RBMS3: variants seen among roughly 807,000 people sequenced by gnomAD.
RBMS3 encodes the protein RNA binding motif single stranded interacting protein 3, also known as RNA-binding motif, single-stranded-interacting protein 3.
Under a neutral mutation model 66.8 loss-of-function variants are expected in RBMS3, and 27 were observed. The ratio of observed to expected loss-of-function variants is 0.40; its 90% CI spans 0.30 to 0.56. The LOEUF is 0.56. RBMS3 is among the 20% of genes least tolerant of loss of function. RBMS3 has a pLI of 0.40. For synonymous variants in RBMS3, 188 were observed against 183.0 expected (o/e 1.03, Z -0.22); for missense variants, 513 against 549.5 (o/e 0.93, Z 0.66).
intron 6 of RBMS3, among the ~76,000 whole-genome samples, chr3:29,848,615 T>C (rs927160247): frequency 6.6e-6 from 1 of 152,226 alleles, no homozygotes; most frequent in Non-Finnish European, 1.5e-5. Context: ...TCAGACAATA[T>C]GGACAAACCA....
At chr3:29,485,212 G>T (rs9818398) in intron 2 of RBMS3, among the ~76,000 whole-genome samples, 1,620 of 152,258 alleles carry the variant, frequency 0.011, 26 homozygotes, top group African/African-American at 0.034. Context: ...TGCCAGAAAA[G>T]AACTGGCTAT....
chr3:29,989,015 T>G (rs530031995), intron 13 of RBMS3, among the ~76,000 whole-genome samples: 1 of 152,212 alleles, frequency 6.6e-6, no homozygotes, highest in African/African-American at 2.4e-5. Context: ...GTCTGGAGTA[T>G]AGACTGAACA....
At chr3:29,997,755 G>A (rs181339276) in intron 14 of RBMS3, among the ~76,000 whole-genome samples, 18 of 152,116 alleles carry the variant, frequency 1.2e-4, no homozygotes, top group East Asian at 3.9e-4. Context: ...ATTAGGTATC[G>A]ATGGGACGTA....
chr3:29,769,600 G>A (rs1441866507), intron 6 of RBMS3, among the ~76,000 whole-genome samples: 1 of 138,584 alleles, frequency 7.2e-6, no homozygotes, highest in Non-Finnish European at 1.6e-5. Context: ...TAAGTGAATA[G>A]TGACAAAGAG....
At chr3:29,961,144 A>C (rs148061899) in intron 12 of RBMS3, among the ~76,000 whole-genome samples, 111 of 152,208 alleles carry the variant, frequency 7.3e-4, no homozygotes, top group African/African-American at 2.6e-3. Context: ...TCCACCAGAT[A>C]CCGTAAATCA....
At chr3:29,508,235 G>T (rs2044261449) in intron 3 of RBMS3, among the ~76,000 whole-genome samples, 1 of 152,060 alleles carries the variant, frequency 6.6e-6, no homozygotes, top group Non-Finnish European at 1.5e-5. Flanking sequence ...AAGTTCTGGG[G>T]TACATGTGCA....
intron 1 of RBMS3, among the ~76,000 whole-genome samples, chr3:29,393,938 C>T (rs73040681): frequency 0.13 from 20,452 of 151,968 alleles, 1,710 homozygotes; most frequent in East Asian, 0.35. Flanking sequence ...AAGGCTAGAG[C>T]GAAATTAGAA....
chr3:29,369,388 G>C (rs904547452), intron 1 of RBMS3, among the ~76,000 whole-genome samples: 4 of 151,390 alleles, frequency 2.6e-5, no homozygotes, highest in Non-Finnish European at 5.9e-5. Context: ...TACTTTCAAT[G>C]GCAAAAACCG....
At chr3:29,656,624 A>G (rs972580000) in intron 4 of RBMS3, among the ~76,000 whole-genome samples, 1 of 152,198 alleles carries the variant, frequency 6.6e-6, no homozygotes. Context: ...ATGTGAGTTC[A>G]TGAGTTTATA....
At chr3:29,980,432 TTTAA>T (rs1179213043) in intron 12 of RBMS3, among the ~76,000 whole-genome samples, 1 of 152,204 alleles carries the variant, frequency 6.6e-6, no homozygotes, top group Non-Finnish European at 1.5e-5. Context: ...AACTCTTTAG[TTTAA>T]TTAGATTCCA....
At chr3:29,836,781 C>A (rs2058519629) in intron 6 of RBMS3, among the ~76,000 whole-genome samples, 1 of 145,970 alleles carries the variant, frequency 6.9e-6, no homozygotes, top group South Asian at 2.2e-4. Context: ...AACCATTTCA[C>A]TATATATATA....
chr3:29,371,897 C>T (rs1189486455), intron 1 of RBMS3, among the ~76,000 whole-genome samples: 2 of 152,118 alleles, frequency 1.3e-5, no homozygotes, highest in Non-Finnish European at 2.9e-5. Flanking sequence ...ATATCCTCGT[C>T]ACCTTTAAAA....
intron 6 of RBMS3, among the ~76,000 whole-genome samples, chr3:29,810,796 A>C (rs1158215578): frequency 6.6e-6 from 1 of 152,210 alleles, no homozygotes; most frequent in Non-Finnish European, 1.5e-5. Flanking sequence ...TAACAGGTTC[A>C]TGATATACTG....
At position 29,403,544 on chromosome 3, in the gene RBMS3, T is replaced by G. The variant is rs58297934; in HGVS notation, c.76-31199T>G. ...CATGTAAGAACAGCACCTCCAACTT[T>G]AGGCCCAATCATAAGGCAGATCAGA... On this transcript the variant is annotated intron_variant, in intron 1 of 14. Transcript: ENST00000383767. 9.5e-3 allele frequency among the ~76,000 whole-genome samples: 1,441 copies of G among 152,142 alleles called. 26 individuals carry two copies. Among genetic ancestry groups the G allele is most frequent in the African/African-American group, 0.033 (1,365 of 41,534 alleles).
At chr3:29,816,349 CAT>C (rs1299458754) in intron 6 of RBMS3, among the ~76,000 whole-genome samples, 2 of 148,094 alleles carry the variant, frequency 1.4e-5, no homozygotes, top group East Asian at 2.1e-4. Flanking sequence ...CACACACACA[CAT>C]TTCACTGGAC....
rs80268506 is a variant in RBMS3 at position 29,866,804 on chromosome 3, A to G, written c.638-2054A>G. 8.7e-4 allele frequency among the ~76,000 whole-genome samples: 133 copies of G among 152,318 alleles called. 1 individual carries two copies. The East Asian group carries it at 0.023, about 27-fold the overall frequency. On this transcript the variant is annotated intron_variant, in intron 6 of 14. Coordinates refer to ENST00000383767, the MANE Select transcript of RBMS3 (RefSeq NM_001003793.3). ...ACTATCTACAGATATTCCATGATGC[A>G]GTCTCTCTTGTGTGATTTTCCTGGC...
At chr3:29,748,226 C>G (rs547147253) in intron 5 of RBMS3, among the ~76,000 whole-genome samples, 1 of 151,962 alleles carries the variant, frequency 6.6e-6, no homozygotes, top group Admixed American at 6.6e-5. Flanking sequence ...AAGTAGAAAA[C>G]CTAAGGTGGG....
chr3:29,541,768 TC>T (rs1223224816), intron 3 of RBMS3, among the ~76,000 whole-genome samples: 1 of 152,070 alleles, frequency 6.6e-6, no homozygotes, highest in Non-Finnish European at 1.5e-5. Context: ...ACATCTTCTG[TC>T]CCCCACCTCC....
At chr3:29,697,723 G>A (rs2052345367) in intron 4 of RBMS3, among the ~76,000 whole-genome samples, 1 of 152,096 alleles carries the variant, frequency 6.6e-6, no homozygotes. Context: ...ATAATCTGAA[G>A]GTAATTTTAT....
Sources: allele counts gnomAD v4.1 joint callset (sites outside exome capture counted in the v4.1 genomes callset), GRCh38; gene constraint gnomAD v4.1.1; transcripts MANE v1.5; gene names NCBI Gene and HGNC (gene_info 2026-07-23, HGNC 2026-07-21).